Variants in IL1R2 observed in about 807,000 individuals in gnomAD.
IL1R2 encodes interleukin 1 receptor type 2.
In IL1R2, 46 loss-of-function variants were observed where a neutral mutation model predicts 39.5. The observed-to-expected ratio is 1.16, with a 90% CI of 0.92 to 1.49. The LOEUF is 1.49. Ranked by LOEUF, IL1R2 falls within the 40% of genes most tolerant of loss-of-function variation. IL1R2 has a pLI of 0.00. For missense variants in IL1R2, 537 were observed against 502.0 expected (o/e 1.07, Z -0.67); for synonymous variants, 207 against 189.6 (o/e 1.09, Z -0.75).
At chr2:102,003,457 G>T (rs369702515) in intron 1 of IL1R2, among the ~76,000 whole-genome samples, 9 of 106,588 alleles carry the variant, frequency 8.4e-5, no homozygotes, top group East Asian at 3.1e-4. Flanking sequence ...TGTGGCTGTG[G>T]CTGTGTCTGT....
intron 5 of IL1R2, among the ~76,000 whole-genome samples, chr2:102,021,379 G>T (rs974894123): frequency 2.7e-5 from 4 of 149,296 alleles, no homozygotes; most frequent in African/African-American, 7.4e-5. Context: ...GCAATGGCGC[G>T]ATCTCGGCTC....
chr2:102,026,175 G>A lies in IL1R2; in HGVS notation c.952G>A (p.Glu318Lys). The A allele has an allele frequency of 6.2e-7, 1 of 1,610,706 alleles. No homozygotes were observed. The highest frequency in any genetic ancestry group is 8.5e-7 in the Non-Finnish European group (1 of 1,176,946). Residue 318 changes from glutamate (E) to lysine (K), a missense_variant, in exon 8 of 9, where the codon GAG becomes AAG. Glu to Lys is a moderately conservative substitution (Grantham distance 56). Transcript: ENST00000332549. ...ATTGATTTTTGATCCTGTCACAAGA[G>A]AGGATTTGCACATGGATTTTAAATG... Reference protein sequence around the residue: ...VPLIFDPVTREDLHMDFKCVV... With the variant: ...VPLIFDPVTRKDLHMDFKCVV...
chr2:102,005,917 T>G (rs1387215747), intron 1 of IL1R2, among the ~76,000 whole-genome samples: 1 of 152,252 alleles, frequency 6.6e-6, no homozygotes, highest in Non-Finnish European at 1.5e-5. Flanking sequence ...TTTCAACATC[T>G]GCTTACTAGC....
rs13403954 is a variant in IL1R2, at chr2:102,010,913, T to C, written c.332+1087T>C. On this transcript the variant is annotated intron_variant, in intron 3 of 8. Coordinates refer to ENST00000332549, the MANE Select transcript of IL1R2 (RefSeq NM_004633.4). ...CTCCCCTCTCTTCTTCCCTCCAGCCTCAGGCAACCACCACTGTACTTTCCG... is the reference window on the plus strand; with the variant it reads ...CTCCCCTCTCTTCTTCCCTCCAGCCCCAGGCAACCACCACTGTACTTTCCG... 6.2e-3 allele frequency among the ~76,000 whole-genome samples: 946 copies of C among 152,300 alleles called. 9 individuals carry two copies. The highest frequency in any genetic ancestry group is 0.022 in the African/African-American group (902 of 41,560).
chr2:101,992,400 AAGAC>A (rs1463392049), intron 1 of IL1R2, among the ~76,000 whole-genome samples: 5 of 140,030 alleles, frequency 3.6e-5, no homozygotes, highest in African/African-American at 5.4e-5. Context: ...GAGACAAAGA[AAGAC>A]AGAGACAGAG....
At chr2:102,008,903 C>T (rs1306817369) in intron 2 of IL1R2, among the ~76,000 whole-genome samples, 1 of 150,214 alleles carries the variant, frequency 6.7e-6, no homozygotes, top group African/African-American at 2.5e-5. Context: ...TGGTGCGTGC[C>T]TGTAGACCTG....
At chr2:101,999,385 G>T (rs943140701) in intron 1 of IL1R2, among the ~76,000 whole-genome samples, 2 of 152,252 alleles carry the variant, frequency 1.3e-5, no homozygotes, top group African/African-American at 4.8e-5. Context: ...TTATCCAGCA[G>T]GTAGCCCAGC....
intron 1 of IL1R2, among the ~76,000 whole-genome samples, chr2:102,003,738 A>C (rs1676070563): frequency 7.0e-6 from 1 of 143,866 alleles, no homozygotes; most frequent in African/African-American, 2.6e-5. Context: ...TCTGTGTCCC[A>C]TGTCGGTGTC....
In IL1R2 at chr2:102,019,766, A is replaced by G. The variant is rs1438651438; in HGVS notation, c.642A>G (p.Glu214=). 18 of 1,614,094 alleles carry G rather than the reference A, an allele frequency of 1.1e-5. No homozygotes were observed. The highest frequency in any genetic ancestry group is 1.5e-5 in the Non-Finnish European group (18 of 1,180,036). The change falls in exon 5 of 9, where the codon GAA becomes GAG. Residue 214 remains glutamate (E), a synonymous_variant. Coordinates refer to ENST00000332549, the MANE Select transcript of IL1R2 (RefSeq NM_004633.4). The part of the protein sequence containing the change: ...YYRCVLTFAH[E]GQQYNITRSI... ...GCTGTGTCCTGACATTTGCCCATGA[A>G]GGCCAGCAATACAACATCACTAGGA...
chr2:102,010,684 C>T (rs960269851), intron 3 of IL1R2, among the ~76,000 whole-genome samples: 11 of 152,148 alleles, frequency 7.2e-5, no homozygotes, highest in African/African-American at 2.4e-4. Context: ...CTCTGGAGCC[C>T]GAGTCTCCTG....
At chr2:102,024,427 TG>T in intron 6 of IL1R2, 105 bp from the exon 7 acceptor site, 1 of 747,566 alleles carries the variant, frequency 1.3e-6, no homozygotes, top group Non-Finnish European at 2.4e-6. Flanking sequence ...AAGAATTGGG[TG>T]GTGAGGGGTG....
chr2:101,994,309 C>T (rs536518969), intron 1 of IL1R2, among the ~76,000 whole-genome samples: 34 of 152,200 alleles, frequency 2.2e-4, no homozygotes, highest in South Asian at 1.2e-3. Flanking sequence ...AGAACATCCA[C>T]GGACCCCGAG....
At chr2:102,001,194 G>A (rs1028126782) in intron 1 of IL1R2, among the ~76,000 whole-genome samples, 1 of 152,202 alleles carries the variant, frequency 6.6e-6, no homozygotes, top group Non-Finnish European at 1.5e-5. Flanking sequence ...GAGTTGAGTT[G>A]GTTGACTGAA....
At chr2:101,994,687 G>A (rs777896364) in intron 1 of IL1R2, among the ~76,000 whole-genome samples, 3 of 152,218 alleles carry the variant, frequency 2.0e-5, no homozygotes, top group Non-Finnish European at 4.4e-5. Flanking sequence ...CAGGACAAGG[G>A]CCTTTTGAGA....
chr2:102,028,231 T>C lies in IL1R2; in HGVS notation c.1036T>C (p.Ser346Pro), dbSNP rs28362316. ...TLRTTVKEAS[S>P]TFSWGIVLAP... The stretch of plus-strand genomic sequence containing the variant: ...TGACTCTGTTCTTCCCACAGCCTCC[T>C]CCACGTTCTCCTGGGGCATTGTGCT... The change falls in exon 9 of 9, where the codon TCC becomes CCC. Residue 346 changes from serine (S) to proline (P), a missense_variant. Coordinates refer to ENST00000332549, the MANE Select transcript of IL1R2 (RefSeq NM_004633.4). 1.6e-5 allele frequency: 25 copies of C among 1,607,566 alleles called. No individual in the cohort carries two copies. The East Asian group carries it at 3.8e-4, about 24-fold the overall frequency.
intron 1 of IL1R2, among the ~76,000 whole-genome samples, chr2:101,996,104 C>T (rs1367015844): frequency 2.0e-5 from 3 of 150,980 alleles, no homozygotes; most frequent in Admixed American, 6.6e-5. Context: ...GTGCCCCGCC[C>T]GACTTCAAGG....
chr2:102,019,332 A>G (rs1677210342), intron 4 of IL1R2, among the ~76,000 whole-genome samples: 1 of 152,220 alleles, frequency 6.6e-6, no homozygotes, highest in African/African-American at 2.4e-5. Context: ...CAGGACATAA[A>G]CATATTTGTA....
chr2:102,024,556 A>G lies in IL1R2; in HGVS notation c.775A>G (p.Lys259Glu), dbSNP rs756165966. ...AGGGTCAAGACTGACAATCCCGTGT[A>G]AGGTGTTTCTGGGAACCGGCACACC... is the stretch of plus-strand genomic sequence containing the variant. ...SLGSRLTIPC[K>E]VFLGTGTPLT... is the part of the protein sequence containing the mutation. Residue 259 changes from lysine to glutamate, a missense_variant, in exon 7 of 9, where the codon AAG (lysine) becomes GAG (glutamate). By Grantham distance (56) the Lys-to-Glu change is moderately conservative (BLOSUM62 1). Transcript: ENST00000332549. The G allele has an allele frequency of 7.4e-6, 12 of 1,613,970 alleles. No homozygotes were observed. The Middle Eastern group carries it at 1.2e-3, about 155-fold the overall frequency.
intron 3 of IL1R2, chr2:102,010,095 C>G: frequency 4.2e-6 from 2 of 471,552 alleles, no homozygotes; most frequent in Middle Eastern, 5.7e-4. Flanking sequence ...TCTCCTTACC[C>G]TGCTGTAGTT....
Sources: allele counts gnomAD v4.1 joint callset (sites outside exome capture counted in the v4.1 genomes callset), GRCh38; gene constraint gnomAD v4.1.1; transcripts MANE v1.5; gene names NCBI Gene and HGNC (gene_info 2026-07-23, HGNC 2026-07-21).